Variants in SPIDR observed in about 807,000 individuals in gnomAD.
SPIDR encodes scaffold protein involved in DNA repair.
A neutral mutation model predicts 104.6 loss-of-function variants in SPIDR; 93 were observed. The ratio of observed to expected loss-of-function variants is 0.89; its 90% CI spans 0.75 to 1.06. SPIDR has a LOEUF of 1.06. Among genes scored for constraint, SPIDR ranks in the 50% least tolerant of loss-of-function variants. SPIDR has a pLI of 0.00. For synonymous variants in SPIDR, 431 were observed against 416.9 expected (o/e 1.03, Z -0.41); for missense variants, 1,154 against 1,111.2 (o/e 1.04, Z -0.55).
chr8:47,360,929 C>G, intron 5 of SPIDR: 1 of 985,300 alleles, frequency 1.0e-6, no homozygotes. Context: ...TTTGATTCAA[C>G]CAGTACTTCT....
chr8:47,645,185 C>G (rs779761913), intron 10 of SPIDR, among the ~76,000 whole-genome samples: 28 of 152,162 alleles, frequency 1.8e-4, no homozygotes, highest in Non-Finnish European at 3.8e-4. Context: ...AGAATAGGAA[C>G]AGGAAACAAG....
Position 47,556,143 on chromosome 8 carries a change from G to A in SPIDR, c.1098-39668G>A, listed in dbSNP as rs73567504. On this transcript the variant is annotated intron_variant, in intron 8 of 19. Transcript: ENST00000297423. ...TCCATCTCTGCTAGGCCAAAGAGAA[G>A]CCAGCCAATGAGAATTAGCCTGTAG... Among the ~76,000 whole-genome samples the A allele has an allele frequency of 9.5e-3, 1,440 of 152,276 alleles. 19 individuals are homozygous for A. Among genetic ancestry groups the A allele is most frequent in the African/African-American group, 0.033 (1,364 of 41,536 alleles).
At chr8:47,482,079 G>A (rs2076958092) in intron 8 of SPIDR, among the ~76,000 whole-genome samples, 1 of 152,188 alleles carries the variant, frequency 6.6e-6, no homozygotes, top group Non-Finnish European at 1.5e-5. Context: ...CACATGTTGA[G>A]CGTGGTCAGT....
chr8:47,581,745 A>C (rs554464167), intron 8 of SPIDR, among the ~76,000 whole-genome samples: 3 of 152,318 alleles, frequency 2.0e-5, no homozygotes, highest in South Asian at 2.1e-4. Context: ...CCATTAAAAG[A>C]GGGAAGGAAA....
chr8:47,651,747 C>A (rs375380963), intron 10 of SPIDR, among the ~76,000 whole-genome samples: 26 of 152,236 alleles, frequency 1.7e-4, no homozygotes, highest in East Asian at 1.5e-3. Context: ...AATCACTATA[C>A]ACACCATGGA....
At chr8:47,290,785 C>A (rs2039772522) in intron 3 of SPIDR, among the ~76,000 whole-genome samples, 1 of 152,172 alleles carries the variant, frequency 6.6e-6, no homozygotes, top group African/African-American at 2.4e-5. Context: ...GCTCTAGTCA[C>A]TTTCCTTTTT....
chr8:47,496,283 A>G (rs1455268983), intron 8 of SPIDR, among the ~76,000 whole-genome samples: 3 of 152,122 alleles, frequency 2.0e-5, no homozygotes, highest in Non-Finnish European at 4.4e-5. Flanking sequence ...CTTAGGGGGA[A>G]AGTGTTCAGG....
At chr8:47,492,734 G>A (rs540274428) in intron 8 of SPIDR, among the ~76,000 whole-genome samples, 12 of 152,060 alleles carry the variant, frequency 7.9e-5, no homozygotes, top group African/African-American at 2.2e-4. Context: ...CGTATTGCTC[G>A]TCTGTTCAGA....
chr8:47,539,829 G>A (rs1419306240), intron 8 of SPIDR, among the ~76,000 whole-genome samples: 2 of 152,124 alleles, frequency 1.3e-5, no homozygotes, highest in African/African-American at 2.4e-5. Flanking sequence ...AGCCTTGTTA[G>A]GACTGTCTGC....
chr8:47,321,615 A>C (rs1554595559), intron 5 of SPIDR, among the ~76,000 whole-genome samples: 2 of 152,166 alleles, frequency 1.3e-5, no homozygotes, highest in African/African-American at 4.8e-5. Flanking sequence ...ATATGGAACC[A>C]AAAAAGAGCC....
chr8:47,715,255 C>T (rs1317490176), intron 16 of SPIDR, among the ~76,000 whole-genome samples: 1 of 152,156 alleles, frequency 6.6e-6, no homozygotes, highest in East Asian at 1.9e-4. Flanking sequence ...CTGCTCACTG[C>T]AACCTCTACC....
At chr8:47,404,619 A>G (rs1405540464) in intron 6 of SPIDR, among the ~76,000 whole-genome samples, 1 of 152,248 alleles carries the variant, frequency 6.6e-6, no homozygotes, top group African/African-American at 2.4e-5. Context: ...ATCACTGGCC[A>G]TCAGAGAAAT....
chr8:47,625,058 C>T (rs1403046816), intron 10 of SPIDR, among the ~76,000 whole-genome samples: 1 of 152,186 alleles, frequency 6.6e-6, no homozygotes, highest in Non-Finnish European at 1.5e-5. Context: ...TGGGCTTCAT[C>T]CCTGGGATGC....
intron 1 of SPIDR, among the ~76,000 whole-genome samples, chr8:47,277,669 CTT>C (rs1209041690): frequency 4.5e-5 from 5 of 110,492 alleles, no homozygotes; most frequent in Admixed American, 9.4e-5. Context: ...TGTTTAACCT[CTT>C]TTTTTTTTTT....
Position 47,735,693 on chromosome 8 carries a change from CATTGAATCT to C in SPIDR, c.*244_*252del. On this transcript the variant is annotated 3_prime_UTR_variant, in exon 20 of 20. Coordinates refer to ENST00000297423, the MANE Select transcript of SPIDR (RefSeq NM_001080394.4). ...TTAGGAACATATTTACTCGTTTTCA[CATTGAATCT>C]TAAGTTTAAGCTCTTCATTTGGTAT... 1.1e-6 allele frequency: 1 copy of C among 889,638 alleles called. No individual in the cohort carries two copies. The highest frequency in any genetic ancestry group is 1.9e-5 in the South Asian group (1 of 52,768). The allele number at this position is 889,638 out of a possible 1,614,324, so 55.1% of individuals were successfully genotyped here.
At position 47,622,201 on chromosome 8, in the gene SPIDR, A is replaced by C. The variant is rs532327740; in HGVS notation, c.1544+23005A>C. Reference sequence around the variant, plus strand: ...AGAAGGGCTTCTTGAGTGATGAAAAAATCTGGATTCAGCAATGGTTAGGAT... The same window carrying C: ...AGAAGGGCTTCTTGAGTGATGAAAACATCTGGATTCAGCAATGGTTAGGAT... On this transcript the variant is annotated intron_variant, in intron 10 of 19. Coordinates refer to ENST00000297423, the MANE Select transcript of SPIDR (RefSeq NM_001080394.4). Among the ~76,000 whole-genome samples the C allele has an allele frequency of 2.3e-4, 35 of 152,238 alleles. No homozygotes were observed. The South Asian group carries it at 7.0e-3, about 31-fold the overall frequency.
At chr8:47,332,893 G>C (rs1429511082) in intron 5 of SPIDR, among the ~76,000 whole-genome samples, 1 of 133,848 alleles carries the variant, frequency 7.5e-6, no homozygotes, top group Non-Finnish European at 1.6e-5. Flanking sequence ...GTAGATTCTG[G>C]ATATTAGCCC....
At chr8:47,331,714 ATAAAT>A (rs1190850980) in intron 5 of SPIDR, among the ~76,000 whole-genome samples, 12 of 152,206 alleles carry the variant, frequency 7.9e-5, no homozygotes, top group Middle Eastern at 3.4e-3. Context: ...TTCTTCAATA[ATAAAT>A]TAATCTTAGC....
In SPIDR at chr8:47,706,298, C is replaced by T. The variant is rs188267944; in HGVS notation, c.1977+4283C>T. The stretch of plus-strand genomic sequence containing the variant: ...GTCCCAGCTACTTGGGAGGCTGGGG[C>T]GGGAGAATGGTGTGAACCTGGGAGG... On this transcript the variant is annotated intron_variant, in intron 14 of 19. Coordinates refer to ENST00000297423, the MANE Select transcript of SPIDR (RefSeq NM_001080394.4). 8.8e-3 allele frequency among the ~76,000 whole-genome samples: 1,336 copies of T among 152,172 alleles called. 19 individuals are homozygous for T. The highest frequency in any genetic ancestry group is 0.03 in the African/African-American group (1,241 of 41,500).
Sources: allele counts gnomAD v4.1 joint callset (sites outside exome capture counted in the v4.1 genomes callset), GRCh38; gene constraint gnomAD v4.1.1; transcripts MANE v1.5; gene names NCBI Gene and HGNC (gene_info 2026-07-23, HGNC 2026-07-21).